MFSD12: variants seen among roughly 807,000 people sequenced by gnomAD.
MFSD12 encodes the protein major facilitator superfamily domain-containing protein 12.
A neutral mutation model predicts 51.2 loss-of-function variants in MFSD12; 67 were observed. The ratio of observed to expected loss-of-function variants is 1.31; its 90% CI spans 1.08 to 1.60. MFSD12 has a LOEUF of 1.60. Ranked by LOEUF, MFSD12 falls within the 40% of genes most tolerant of loss-of-function variation. The probability of loss-of-function intolerance (pLI) is 0.00; values close to 1 mark genes in which losing one functional copy is unlikely to be tolerated. For synonymous variants in MFSD12, 441 were observed against 316.7 expected, an observed-to-expected ratio of 1.39 and a Z score of -4.17; for missense variants, 921 against 673.0, an observed-to-expected ratio of 1.37 and a Z score of -4.08.
At chr19:3,540,045 A>T (rs1400817864), downstream of MFSD12, 1 of 148,976 alleles carries the variant, frequency 6.7e-6, no homozygotes, top group Non-Finnish European at 1.5e-5. Flanking sequence ...TGAGCCCAGG[A>T]GTTCAAGACC....
At chr19:3,550,207 C>T (rs560383361) in intron 2 of MFSD12, among the ~76,000 whole-genome samples, 1 of 152,148 alleles carries the variant, frequency 6.6e-6, no homozygotes, top group African/African-American at 2.4e-5. Flanking sequence ...GCCCTCTCCC[C>T]CTAGCTCAGC....
chr19:3,554,915 G>C (rs2031656590), intron 1 of MFSD12, among the ~76,000 whole-genome samples: 1 of 152,168 alleles, frequency 6.6e-6, no homozygotes, highest in African/African-American at 2.4e-5. Context: ...GCTCCCAACA[G>C]ACCCTCCTGA....
chr19:3,544,942 G>A lies in MFSD12; in HGVS notation c.1290-3C>T, dbSNP rs760655379. ...AGGCCCTGCAGCAGAGCTCTGAGCT[G>A]TGGGAGGAGGCGGGGGATGAGTAGG... is the stretch of plus-strand genomic sequence containing the variant. On this transcript the variant is annotated splice_region_variant and splice_polypyrimidine_tract_variant and intron_variant, in intron 8 of 9. Transcript: ENST00000355415. 6.2e-6 allele frequency: 10 copies of A among 1,604,758 alleles called. No homozygotes were observed. The highest frequency in any genetic ancestry group is 7.6e-6 in the Non-Finnish European group (9 of 1,177,110).
At position 3,546,175 on chromosome 19, in the gene MFSD12, A is replaced by C. The variant is rs1428245784; in HGVS notation, c.1195-7T>G. On this transcript the variant is annotated splice_region_variant and splice_polypyrimidine_tract_variant and intron_variant, in intron 7 of 9. Transcript: ENST00000355415. Reference sequence around the variant, plus strand: ...ACACGAACGCTCCGCTGTTCTGTGGAGACACAGGCGAGGTGGTCAGCGTGC... The same window carrying C: ...ACACGAACGCTCCGCTGTTCTGTGGCGACACAGGCGAGGTGGTCAGCGTGC... The C allele has an allele frequency of 1.2e-6, 2 of 1,612,218 alleles. No individual in the cohort carries two copies. The highest frequency in any genetic ancestry group is 2.7e-5 in the African/African-American group (2 of 74,928).
At chr19:3,550,461 G>A (rs985281102) in intron 2 of MFSD12, among the ~76,000 whole-genome samples, 6 of 150,796 alleles carry the variant, frequency 4.0e-5, no homozygotes, top group African/African-American at 1.5e-4. Flanking sequence ...GCGCTATCTT[G>A]GCTCACTGCA....
In MFSD12 at chr19:3,544,374, G is replaced by A. The variant is rs996833497; in HGVS notation, c.*336C>T. The A allele has an allele frequency of 9.4e-6, 12 of 1,282,000 alleles. No individual in the cohort carries two copies. In the Admixed American group the frequency reaches 3.3e-4, roughly 36 times the overall value. The allele number at this position is 1,282,000 out of a possible 1,614,324, so 79.4% of individuals were successfully genotyped here. ...GGAGACCCCCAGGCTGGAGGTGAGG[G>A]GTGAACTGGACTGAGCTCAGGGTTA... On this transcript the variant is annotated 3_prime_UTR_variant, in exon 10 of 10. Coordinates refer to ENST00000355415, the MANE Select transcript of MFSD12 (RefSeq NM_174983.5).
intron 4 of MFSD12, 95 bp downstream of exon 4, chr19:3,547,753 G>C: frequency 7.2e-7 from 1 of 1,394,720 alleles, no homozygotes; most frequent in Non-Finnish European, 9.5e-7. Flanking sequence ...CAGGGGCCAC[G>C]TGTGCTCTGC....
downstream of MFSD12, chr19:3,543,119 G>A (rs2030567999): frequency 3.3e-6 from 5 of 1,521,290 alleles, no homozygotes; most frequent in Non-Finnish European, 4.4e-6. Context: ...GGCGAGGGAG[G>A]GAGACCCCAC....
chr19:3,555,201 C>T (rs12977889), intron 1 of MFSD12, among the ~76,000 whole-genome samples: 4 of 152,138 alleles, frequency 2.6e-5, no homozygotes, highest in Non-Finnish European at 4.4e-5. Context: ...CTCTGCCTCC[C>T]GGGTTCAAAC....
At chr19:3,553,663 G>A (rs1361306154) in intron 1 of MFSD12, among the ~76,000 whole-genome samples, 2 of 136,880 alleles carry the variant, frequency 1.5e-5, no homozygotes, top group African/African-American at 2.8e-5. Flanking sequence ...CCAGCTACTC[G>A]AGAGGCTGAG....
rs7256091 is a variant in MFSD12 at position 3,557,563 on chromosome 19, C to G, written c.-160G>C. On this transcript the variant is annotated 5_prime_UTR_variant, in exon 1 of 10. Coordinates refer to ENST00000355415, the MANE Select transcript of MFSD12 (RefSeq NM_174983.5). ...GCCGCGCCCTCACCCACGTCCGCCGCGTCCGCCCCACGCTCGACTCTGCAG... is the reference window on the plus strand; with the variant it reads ...GCCGCGCCCTCACCCACGTCCGCCGGGTCCGCCCCACGCTCGACTCTGCAG... The G allele has an allele frequency of 0.043, 12,907 of 298,024 alleles. 1,621 individuals carry two copies. Among genetic ancestry groups the G allele is most frequent in the African/African-American group, 0.27 (11,874 of 44,698 alleles). 18.5% of individuals were successfully genotyped at this position (298,024 alleles called of 1,614,324 possible). A position where few individuals can be genotyped will look rare whatever the true frequency, so the allele number is the denominator to read the frequency against.
At chr19:3,548,343 C>G (rs1315888848) in intron 2 of MFSD12, 76 bp from the exon 3 acceptor site, 1 of 1,522,346 alleles carries the variant, frequency 6.6e-7, no homozygotes, top group Non-Finnish European at 8.8e-7. Flanking sequence ...GCTACGCCGT[C>G]AGAGAGGCCT....
In MFSD12 at chr19:3,544,268, G is replaced by A. The variant is rs768336496; in HGVS notation, c.*442C>T. 2.3e-4 allele frequency: 303 copies of A among 1,310,678 alleles called. No homozygotes were observed. Among genetic ancestry groups the A allele is most frequent in the Middle Eastern group, 5.7e-4 (2 of 3,512 alleles). The allele number at this position is 1,310,678 out of a possible 1,614,324, so 81.2% of individuals were successfully genotyped here. ...GCCGGGCAGCCCTGCTGCCCACCAC[G>A]GTGGGGTCCAGGCCCAGCCCACCAC... is the stretch of plus-strand genomic sequence containing the variant. On this transcript the variant is annotated 3_prime_UTR_variant, in exon 10 of 10. Coordinates refer to ENST00000355415, the MANE Select transcript of MFSD12 (RefSeq NM_174983.5).
intron 2 of MFSD12, 43 bp downstream of exon 2, chr19:3,550,941 C>CG: frequency 6.4e-7 from 1 of 1,568,534 alleles, no homozygotes; most frequent in Non-Finnish European, 8.7e-7. Flanking sequence ...TACACCGAGC[C>CG]GGGGCCCACC....
At position 3,547,297 on chromosome 19, in the gene MFSD12, G is replaced by T. The variant is rs558265905; in HGVS notation, c.998C>A (p.Pro333His). ...GTTCCTCCCAATGCACTTGTTGATG[G>T]GCTTCATGAGGAAGGAGGACAAGAA... ...SGFLSSFLMKPINKCIGRNMT... is the reference protein window; with the variant it reads ...SGFLSSFLMKHINKCIGRNMT... The change falls in exon 6 of 10, where the codon CCC becomes CAC. Residue 333 changes from proline to histidine, a missense_variant. Transcript: ENST00000355415. The T allele has an allele frequency of 6.2e-7, 1 of 1,613,300 alleles. No individual in the cohort carries two copies. The highest frequency in any genetic ancestry group is 2.2e-5 in the East Asian group (1 of 44,874).
At chr19:3,554,979 C>A (rs1481378349) in intron 1 of MFSD12, among the ~76,000 whole-genome samples, 1 of 152,222 alleles carries the variant, frequency 6.6e-6, no homozygotes, top group Non-Finnish European at 1.5e-5. Flanking sequence ...GGCAGGTGCC[C>A]TCCCCGAGGC....
At chr19:3,545,374 C>G (rs2030913952) in intron 8 of MFSD12, among the ~76,000 whole-genome samples, 2 of 152,180 alleles carry the variant, frequency 1.3e-5, no homozygotes, top group Admixed American at 6.5e-5. Flanking sequence ...CCATGGCCCA[C>G]CAGGCCCTGC....
chr19:3,539,424 C>CCA, downstream of MFSD12: 1 of 592,222 alleles, frequency 1.7e-6, no homozygotes, highest in African/African-American at 1.8e-5. Flanking sequence ...TCCCCTCCGG[C>CCA]CAGTGGCCGC....
Position 3,546,179 on chromosome 19 carries a change from A to C in MFSD12, c.1195-11T>G. 6.2e-7 allele frequency: 1 copy of C among 1,612,276 alleles called. No individual in the cohort carries two copies. Among genetic ancestry groups the C allele is most frequent in the Non-Finnish European group, 8.5e-7 (1 of 1,179,364 alleles). Reference sequence around the variant, plus strand: ...GAACGCTCCGCTGTTCTGTGGAGACACAGGCGAGGTGGTCAGCGTGCACCC... The same window carrying C: ...GAACGCTCCGCTGTTCTGTGGAGACCCAGGCGAGGTGGTCAGCGTGCACCC... On this transcript the variant is annotated splice_polypyrimidine_tract_variant and intron_variant, in intron 7 of 9. Transcript: ENST00000355415.
Sources: allele counts gnomAD v4.1 joint callset (sites outside exome capture counted in the v4.1 genomes callset), GRCh38; gene constraint gnomAD v4.1.1; transcripts MANE v1.5; gene names NCBI Gene and HGNC (gene_info 2026-07-23, HGNC 2026-07-21).